TMEM117: variants seen among roughly 807,000 people sequenced by gnomAD.
The protein encoded by TMEM117 is transmembrane protein 117.
A neutral mutation model predicts 52.4 loss-of-function variants in TMEM117; 27 were observed. That is an observed-to-expected ratio of 0.51 (90% CI 0.38 to 0.71). The LOEUF (loss-of-function observed/expected upper bound fraction) is 0.71. TMEM117 is among the 30% of genes least tolerant of loss of function. TMEM117 has a pLI of 0.00. For synonymous variants in TMEM117, 215 were observed against 206.3 expected (o/e 1.04, Z -0.36); for missense variants, 556 against 630.5 (o/e 0.88, Z 1.26).
intron 3 of TMEM117, among the ~76,000 whole-genome samples, chr12:43,969,347 CG>C (rs1449844841): frequency 1.3e-4 from 5 of 38,926 alleles, no homozygotes; most frequent in Non-Finnish European, 1.8e-4. Flanking sequence ...GGTGAAACCC[CG>C]TCTCTACTAA....
At chr12:43,935,542 T>G (rs893811814) in intron 2 of TMEM117, among the ~76,000 whole-genome samples, 4 of 152,348 alleles carry the variant, frequency 2.6e-5, no homozygotes, top group East Asian at 1.9e-4. Context: ...CATTGAGAGA[T>G]AAAATATAAG....
chr12:44,282,146 C>T (rs1304645832), intron 5 of TMEM117, among the ~76,000 whole-genome samples: 1 of 152,072 alleles, frequency 6.6e-6, no homozygotes, highest in African/African-American at 2.4e-5. Flanking sequence ...GTGCCTTTCG[C>T]CTCCCACCAT....
At chr12:44,226,035 C>T (rs17094328) in intron 5 of TMEM117, among the ~76,000 whole-genome samples, 17,344 of 152,192 alleles carry the variant, frequency 0.11, 1,136 homozygotes, top group Middle Eastern at 0.2. Context: ...ATGTTCATTT[C>T]GCCCCATCAT....
At chr12:44,149,134 A>G (rs1948686385) in intron 4 of TMEM117, among the ~76,000 whole-genome samples, 1 of 152,222 alleles carries the variant, frequency 6.6e-6, no homozygotes, top group African/African-American at 2.4e-5. Context: ...GGCAAAGAGT[A>G]TAAAGAAAAG....
At chr12:44,141,280 A>G (rs1389268523) in intron 3 of TMEM117, among the ~76,000 whole-genome samples, 1 of 152,068 alleles carries the variant, frequency 6.6e-6, no homozygotes, top group South Asian at 2.1e-4. Flanking sequence ...CAGTTTTGCT[A>G]TATAGATAAT....
chr12:44,331,561 A>G (rs557004859), intron 6 of TMEM117, among the ~76,000 whole-genome samples: 2 of 152,180 alleles, frequency 1.3e-5, no homozygotes, highest in East Asian at 1.9e-4. Context: ...GGAACTTCAA[A>G]TGATAAGATA....
At chr12:43,928,644 G>A (rs1003845539) in intron 2 of TMEM117, among the ~76,000 whole-genome samples, 5 of 151,076 alleles carry the variant, frequency 3.3e-5, no homozygotes, top group East Asian at 2.0e-4. Flanking sequence ...TGCACAATGC[G>A]CAGGTTAGTT....
chr12:43,991,852 G>A lies in TMEM117; in HGVS notation c.410+47510G>A, dbSNP rs532024675. Among the ~76,000 whole-genome samples, 85 of 152,210 alleles carry A rather than the reference G, an allele frequency of 5.6e-4. No individual in the cohort carries two copies. The South Asian group carries it at 0.01, about 18-fold the overall frequency. On this transcript the variant is annotated intron_variant, in intron 3 of 7. Transcript: ENST00000266534. ...CAGCAGCCTCCAAACTGCTCTCTCC[G>A]TTTCCAGTCTCAGCCTTTGTGACCC... is the stretch of plus-strand genomic sequence containing the variant.
At chr12:43,804,154 A>ATTTT in the TMEM117 span, 1 of 332,612 alleles carries the variant, frequency 3.0e-6, no homozygotes, top group South Asian at 2.4e-5. Context: ...ACAAGTAACT[A>ATTTT]TTTTTTTTTT....
At chr12:44,258,934 A>T (rs2138534197) in intron 5 of TMEM117, among the ~76,000 whole-genome samples, 1 of 152,286 alleles carries the variant, frequency 6.6e-6, no homozygotes, top group Non-Finnish European at 1.5e-5. Flanking sequence ...TAAAGTCACC[A>T]TGGATGTCAA....
intron 5 of TMEM117, among the ~76,000 whole-genome samples, chr12:44,299,333 G>T (rs7966220): frequency 6.6e-6 from 1 of 151,830 alleles, no homozygotes; most frequent in Non-Finnish European, 1.5e-5. Flanking sequence ...GGGATTCACC[G>T]TGTTGGACAG....
At chr12:44,207,122 T>G (rs976100991) in intron 4 of TMEM117, among the ~76,000 whole-genome samples, 1 of 151,840 alleles carries the variant, frequency 6.6e-6, no homozygotes, top group African/African-American at 2.4e-5. Context: ...ATCTATTATG[T>G]TCATTAATAT....
At chr12:43,973,368 G>A (rs943000230) in intron 3 of TMEM117, among the ~76,000 whole-genome samples, 3 of 152,098 alleles carry the variant, frequency 2.0e-5, no homozygotes, top group Non-Finnish European at 4.4e-5. Context: ...AAATGTAAAG[G>A]CCTTTTAAAT....
At chr12:43,876,654 A>C (rs1943801854) in intron 2 of TMEM117, among the ~76,000 whole-genome samples, 3 of 151,988 alleles carry the variant, frequency 2.0e-5, no homozygotes, top group African/African-American at 7.3e-5. Flanking sequence ...ACCTTTTCTG[A>C]GCTTCCACTT....
intron 6 of TMEM117, among the ~76,000 whole-genome samples, chr12:44,303,102 G>C (rs1950861767): frequency 6.6e-6 from 1 of 151,804 alleles, no homozygotes; most frequent in Admixed American, 6.6e-5. Flanking sequence ...GGAGTGCAAT[G>C]GCGTGATCTC....
chr12:44,270,197 A>T (rs1950429060), intron 5 of TMEM117, among the ~76,000 whole-genome samples: 1 of 152,136 alleles, frequency 6.6e-6, no homozygotes, highest in Admixed American at 6.6e-5. Context: ...CTCCATATTT[A>T]ATAACTTTGT....
chr12:43,982,505 C>T (rs1292456876), intron 3 of TMEM117, among the ~76,000 whole-genome samples: 1 of 152,114 alleles, frequency 6.6e-6, no homozygotes, highest in Non-Finnish European at 1.5e-5. Context: ...AAATTAAATG[C>T]ATTAAAAAAT....
At chr12:44,376,071 C>T (rs1185605958) in intron 6 of TMEM117, among the ~76,000 whole-genome samples, 1 of 152,164 alleles carries the variant, frequency 6.6e-6, no homozygotes, top group Non-Finnish European at 1.5e-5. Flanking sequence ...GGACAGGAGC[C>T]TGTCATTTTT....
chr12:43,826,580 T>C, the TMEM117 span, among the ~76,000 whole-genome samples: 1 of 152,180 alleles, frequency 6.6e-6, no homozygotes, highest in African/African-American at 2.4e-5. Context: ...ATTTAACATA[T>C]CTGGCTAGCT....
Sources: gnomAD v4.1 joint callset for allele counts (sites outside exome capture counted in the v4.1 genomes callset) on GRCh38, gnomAD v4.1.1 for gene constraint, MANE v1.5 for transcripts, NCBI Gene and HGNC (gene_info 2026-07-23, HGNC 2026-07-21) for gene names.